Variants in NDUFAF6 observed in about 807,000 individuals in gnomAD.
The protein encoded by NDUFAF6 is NADH dehydrogenase (ubiquinone) complex I, assembly factor 6.
NDUFAF6 carries 45 observed loss-of-function variants against 40.8 expected under a neutral mutation model. The ratio of observed to expected loss-of-function variants is 1.10; its 90% confidence interval spans 0.87 to 1.42. The LOEUF (loss-of-function observed/expected upper bound fraction) is 1.42. NDUFAF6 is among the 40% of genes most tolerant of loss of function. NDUFAF6 has a pLI of 0.00. For synonymous variants in NDUFAF6, 185 were observed against 155.9 expected (o/e 1.19, Z -1.39); for missense variants, 435 against 418.5 (o/e 1.04, Z -0.34).
intron 4 of NDUFAF6, among the ~76,000 whole-genome samples, chr8:95,108,576 G>A (rs1214796311): frequency 6.6e-6 from 1 of 152,176 alleles, no homozygotes; most frequent in South Asian, 2.1e-4. Flanking sequence ...GGGAGTTATT[G>A]TTTAATGGGT....
intron 1 of NDUFAF6, among the ~76,000 whole-genome samples, chr8:94,913,749 C>T (rs1190637494): frequency 6.6e-6 from 1 of 152,214 alleles, no homozygotes; most frequent in Non-Finnish European, 1.5e-5. Flanking sequence ...CAGTGAGCTC[C>T]CATCACATCC....
chr8:95,113,980 G>A (rs572897935), intron 4 of NDUFAF6, among the ~76,000 whole-genome samples: 1 of 145,152 alleles, frequency 6.9e-6, no homozygotes, highest in Non-Finnish European at 1.5e-5. Context: ...CACAGGAAGG[G>A]GAACATCACA....
In NDUFAF6 at chr8:95,064,356, C is replaced by G. The variant is rs541120299; in HGVS notation, c.*512-11277C>G. 6.1e-5 allele frequency among the ~76,000 whole-genome samples: 9 copies of G among 146,916 alleles called. No homozygotes were observed. The South Asian group carries it at 1.7e-3, about 27-fold the overall frequency. On this transcript the variant is annotated intron_variant and NMD_transcript_variant, in intron 9 of 9. Coordinates refer to the NDUFAF6 transcript ENST00000520757. ...GCTTTGAGGGAATTTGTAATACACT[C>G]TTTCTTAAGAGGTCATTTGAAAAAT... is the stretch of plus-strand genomic sequence containing the variant.
chr8:94,940,334 AAAG>A, intron 1 of NDUFAF6: 3 of 1,264,598 alleles, frequency 2.4e-6, no homozygotes, highest in Non-Finnish European at 3.3e-6. Context: ...CAGCACAGAA[AAAG>A]AAGAGATGAT....
Position 95,058,415 on chromosome 8 carries a change from T to C in NDUFAF6, c.*478T>C. 1 of 1,232,822 alleles carries C rather than the reference T, an allele frequency of 8.1e-7. No homozygotes were observed. The highest frequency in any genetic ancestry group is 3.2e-5 in the East Asian group (1 of 31,728). 76.4% of individuals were successfully genotyped at this position (1,232,822 alleles called of 1,614,324 possible). A position where few individuals can be genotyped will look rare whatever the true frequency, so the allele number is the denominator to read the frequency against. On this transcript the variant is annotated 3_prime_UTR_variant, in exon 9 of 9. Coordinates refer to ENST00000396124, the MANE Select transcript of NDUFAF6 (RefSeq NM_152416.4). Reference sequence around the variant, plus strand: ...AATAGTGAAATTAATATTTGAGGAATATCAGTCACGTGTTGTGGGCTTTTA... The same window carrying C: ...AATAGTGAAATTAATATTTGAGGAACATCAGTCACGTGTTGTGGGCTTTTA...
chr8:94,946,544 TA>T (rs1349887046), intron 2 of NDUFAF6, among the ~76,000 whole-genome samples: 2 of 150,692 alleles, frequency 1.3e-5, no homozygotes, highest in Non-Finnish European at 3.0e-5. Flanking sequence ...CTACAAAAAA[TA>T]AATTAGCTGG....
At chr8:95,047,508 C>CTTTTTTTTTTT (rs373655223) in intron 6 of NDUFAF6, among the ~76,000 whole-genome samples, 39 of 126,398 alleles carry the variant, frequency 3.1e-4, no homozygotes, top group Non-Finnish European at 4.9e-4. Context: ...CTTTTCTTTT[C>CTTTTTTTTTTT]TTTTTTTTTT....
chr8:94,912,620 C>A (rs1016744776), intron 1 of NDUFAF6, among the ~76,000 whole-genome samples: 14 of 151,662 alleles, frequency 9.2e-5, no homozygotes, highest in Non-Finnish European at 2.1e-4. Context: ...TACAGTGAAA[C>A]CCTGTCTCTA....
chr8:94,941,523 T>A (rs973800443), intron 1 of NDUFAF6, among the ~76,000 whole-genome samples: 28 of 152,242 alleles, frequency 1.8e-4, no homozygotes, highest in Non-Finnish European at 2.5e-4. Flanking sequence ...TTTTCTCTTC[T>A]ACTCTGTACT....
chr8:94,968,355 G>A (rs77055525), intron 1 of NDUFAF6, among the ~76,000 whole-genome samples: 19,914 of 152,172 alleles, frequency 0.13, 1,636 homozygotes, highest in Middle Eastern at 0.23. Flanking sequence ...AAACAAACGT[G>A]TATCATATGT....
At chr8:94,974,015 T>C (rs1586859136) in intron 1 of NDUFAF6, among the ~76,000 whole-genome samples, 1 of 152,194 alleles carries the variant, frequency 6.6e-6, no homozygotes, top group South Asian at 2.1e-4. Flanking sequence ...AGGGTGTTCA[T>C]GAAAGTGAGG....
chr8:94,925,411 C>T (rs1393432073), intron 1 of NDUFAF6, among the ~76,000 whole-genome samples: 1 of 152,188 alleles, frequency 6.6e-6, no homozygotes, highest in African/African-American at 2.4e-5. Flanking sequence ...ATTCATCCAC[C>T]TGGCTTCAAA....
chr8:94,896,506 T>TAC, intron 1 of NDUFAF6: 1 of 152,164 alleles, frequency 6.6e-6, no homozygotes, highest in Non-Finnish European at 1.5e-5. Flanking sequence ...GCAAACAGGT[T>TAC]TTGCGGCGGG....
intron 1 of NDUFAF6, chr8:94,940,759 T>G: frequency 8.5e-7 from 1 of 1,176,116 alleles, no homozygotes; most frequent in Non-Finnish European, 1.2e-6. Context: ...GGTTTCCTTA[T>G]GCAAAAACTG....
At chr8:95,106,968 A>G (rs1304479367), downstream of NDUFAF6, among the ~76,000 whole-genome samples, 1 of 152,266 alleles carries the variant, frequency 6.6e-6, no homozygotes, top group East Asian at 1.9e-4. Context: ...GGCGATCATT[A>G]AAAAGTCAGG....
intron 2 of NDUFAF6, among the ~76,000 whole-genome samples, chr8:95,032,854 A>G (rs1034645738): frequency 3.3e-5 from 5 of 152,194 alleles, no homozygotes; most frequent in Non-Finnish European, 1.5e-5. Flanking sequence ...GAGATTCACA[A>G]CTGTGAGTCT....
chr8:94,992,059 C>G (rs986321626), intron 2 of NDUFAF6, among the ~76,000 whole-genome samples: 13 of 152,074 alleles, frequency 8.5e-5, no homozygotes, highest in African/African-American at 3.1e-4. Flanking sequence ...TGGCTTTTGC[C>G]AAATTGCCCT....
intron 1 of NDUFAF6, among the ~76,000 whole-genome samples, chr8:94,941,529 G>A (rs1195284361): frequency 1.3e-5 from 2 of 152,150 alleles, no homozygotes; most frequent in Admixed American, 1.3e-4. Flanking sequence ...CTTCTACTCT[G>A]TACTTCTTGT....
intron 3 of NDUFAF6, chr8:95,036,249 G>T: frequency 8.3e-7 from 1 of 1,203,016 alleles, no homozygotes. Flanking sequence ...TATGAGAGGA[G>T]GAAGGGAATT....
Sources: gnomAD v4.1 joint callset for allele counts (sites outside exome capture counted in the v4.1 genomes callset) on GRCh38, gnomAD v4.1.1 for gene constraint, MANE v1.5 for transcripts, NCBI Gene and HGNC (gene_info 2026-07-23, HGNC 2026-07-21) for gene names.